RGS12: variants seen among roughly 807,000 people sequenced by gnomAD.
The protein encoded by RGS12 is regulator of G-protein signaling 12.
Under a neutral mutation model 120.1 loss-of-function variants are expected in RGS12, and 66 were observed. The observed-to-expected ratio is 0.55, with a 90% CI of 0.45 to 0.67. The LOEUF (loss-of-function observed/expected upper bound fraction) is 0.67. RGS12 is among the 30% of genes least tolerant of loss of function. The pLI is 0.00. For missense variants in RGS12, 1,859 were observed against 1,957.7 expected (o/e 0.95, Z 0.95); for synonymous variants, 827 against 804.7 (o/e 1.03, Z -0.47).
intron 4 of RGS12, among the ~76,000 whole-genome samples, chr4:3,391,539 C>T (rs183274416): frequency 6.6e-6 from 1 of 152,216 alleles, no homozygotes; most frequent in Non-Finnish European, 1.5e-5. Context: ...GGCTGCATCC[C>T]CTCCCCAGAG....
At chr4:3,288,420 G>C (rs910665967), upstream of RGS12, among the ~76,000 whole-genome samples, 1 of 152,148 alleles carries the variant, frequency 6.6e-6, no homozygotes, top group Non-Finnish European at 1.5e-5. The surrounding 1 kb of genome is among the most constrained non-coding windows in gnomAD (Gnocchi z 5.2). Context: ...TGGCTTCCTG[G>C]TGCAGCTCCT....
chr4:3,328,346 A>G (rs1725699842), intron 2 of RGS12, among the ~76,000 whole-genome samples: 1 of 152,228 alleles, frequency 6.6e-6, no homozygotes, highest in Non-Finnish European at 1.5e-5. Context: ...TGTGCAGTCT[A>G]TGCATGTATA....
intron 3 of RGS12, among the ~76,000 whole-genome samples, chr4:3,375,176 T>C (rs948226155): frequency 6.6e-6 from 1 of 152,194 alleles, no homozygotes; most frequent in African/African-American, 2.4e-5. Context: ...GGAGGTCATT[T>C]TGAGACAGTC....
chr4:3,351,796 G>T (rs1714383399), intron 3 of RGS12, among the ~76,000 whole-genome samples: 1 of 151,986 alleles, frequency 6.6e-6, no homozygotes, highest in Non-Finnish European at 1.5e-5. Context: ...TAGAAGACTT[G>T]GTGTGCCTCA....
chr4:3,426,752 AGGGTG>A (rs1723700331), intron 14 of RGS12: 1 of 152,100 alleles, frequency 6.6e-6, no homozygotes, highest in Non-Finnish European at 1.5e-5. Flanking sequence ...CAGACCCAGG[AGGGTG>A]GGTCCTGTTT....
Position 3,428,144 on chromosome 4 carries a change from C to T in RGS12, c.3386C>T (p.Ser1129Phe). The T allele has an allele frequency of 1.2e-6, 2 of 1,613,666 alleles. No homozygotes were observed. The highest frequency in any genetic ancestry group is 8.5e-7 in the Non-Finnish European group (1 of 1,179,800). The change falls in exon 15 of 18, where the codon TCC becomes TTC. Residue 1129 changes from serine to phenylalanine, a missense_variant. Ser to Phe is a radical substitution (Grantham distance 155). Coordinates refer to ENST00000336727, the MANE Select transcript of RGS12 (RefSeq NM_001394154.1). ...GTGAAACAGAACACAGCTGTAAATT[C>T]CAGCTCCAGAAACCACTCGGCTACG... ...VPVKQNTAVN[S>F]SSRNHSATGE...
chr4:3,304,817 C>T (rs1048708945), intron 1 of RGS12, among the ~76,000 whole-genome samples: 5 of 152,212 alleles, frequency 3.3e-5, no homozygotes, highest in Non-Finnish European at 7.3e-5. Flanking sequence ...GCAAGTCAAA[C>T]GACCCTGGAG....
intron 13 of RGS12, among the ~76,000 whole-genome samples, chr4:3,424,804 A>AG (rs1257644491): frequency 6.6e-6 from 1 of 152,352 alleles, no homozygotes; most frequent in East Asian, 1.9e-4. Context: ...GTGGTGGAGA[A>AG]GGCGGGACCT....
chr4:3,417,133 G>A (rs1483968468), intron 8 of RGS12, 41 bp downstream of exon 8: 20 of 1,541,478 alleles, frequency 1.3e-5, no homozygotes, highest in African/African-American at 4.1e-5. Flanking sequence ...TGTGGGTTGT[G>A]TGTCATCAGC....
intron 2 of RGS12, among the ~76,000 whole-genome samples, chr4:3,336,158 C>T (rs776521568): frequency 8.5e-5 from 13 of 152,178 alleles, no homozygotes; most frequent in Non-Finnish European, 1.6e-4. Context: ...TCCTGTCCCT[C>T]GGTGGTCTGG....
At chr4:3,304,192 G>A (rs752970345) in intron 1 of RGS12, among the ~76,000 whole-genome samples, 7 of 152,164 alleles carry the variant, frequency 4.6e-5, no homozygotes, top group South Asian at 4.1e-4. Flanking sequence ...AAAAACCCAC[G>A]AAAAACTATG....
At chr4:3,382,576 T>C (rs1214604375) in intron 3 of RGS12, among the ~76,000 whole-genome samples, 3 of 152,214 alleles carry the variant, frequency 2.0e-5, no homozygotes, top group African/African-American at 7.2e-5. Flanking sequence ...TAGGTGACGG[T>C]CTTCAGGAGT....
intron 4 of RGS12, among the ~76,000 whole-genome samples, chr4:3,397,931 G>T (rs1224330979): frequency 6.6e-6 from 1 of 152,212 alleles, no homozygotes; most frequent in Admixed American, 6.5e-5. Context: ...TAAGAGTATG[G>T]CCTCTGGAGC....
intron 3 of RGS12, among the ~76,000 whole-genome samples, chr4:3,384,629 G>A (rs1010455739): frequency 3.9e-5 from 6 of 152,242 alleles, no homozygotes; most frequent in South Asian, 2.1e-4. Flanking sequence ...GGCTTCAGGG[G>A]TGTGTGCTCT....
Position 3,374,791 on chromosome 4 carries a change from C to G in RGS12, c.1999-11625C>G, listed in dbSNP as rs554299572. ...AGCCTCCAGCTGCCCCTGCCCTGCC[C>G]TGTCCATGCACCTGCCAGAGTGAGC... On this transcript the variant is annotated intron_variant, in intron 3 of 17. Coordinates refer to ENST00000336727, the MANE Select transcript of RGS12 (RefSeq NM_001394154.1). This position sits in a 1 kb window ranked among gnomAD's most constrained non-coding sequence, Gnocchi z 6.3. 6.6e-6 allele frequency among the ~76,000 whole-genome samples: 1 copy of G among 152,292 alleles called. No homozygotes were observed. Among genetic ancestry groups the G allele is most frequent in the East Asian group, 1.9e-4 (1 of 5,168 alleles).
Position 3,439,762 on chromosome 4 carries a change from G to T in RGS12, c.*78G>T, listed in dbSNP as rs1577119826. ...AGGTGGATTCTGTGGGCCTCAGGGGGGCCACCCTGGCCACCACACCCTCAG... is the reference window on the plus strand; with the variant it reads ...AGGTGGATTCTGTGGGCCTCAGGGGTGCCACCCTGGCCACCACACCCTCAG... On this transcript the variant is annotated 3_prime_UTR_variant, in exon 18 of 18. Transcript: ENST00000336727. 7.6e-7 allele frequency: 1 copy of T among 1,308,724 alleles called. No homozygotes were observed. Among genetic ancestry groups the T allele is most frequent in the Admixed American group, 3.1e-5 (1 of 32,064 alleles). The allele number at this position is 1,308,724 out of a possible 1,614,324, so 81.1% of individuals were successfully genotyped here.
chr4:3,397,272 T>C (rs561595437), intron 4 of RGS12, among the ~76,000 whole-genome samples: 3 of 152,318 alleles, frequency 2.0e-5, no homozygotes, highest in African/African-American at 4.8e-5. Context: ...AGGTGGGCTG[T>C]GGTGGGATGC....
intron 13 of RGS12, among the ~76,000 whole-genome samples, chr4:3,424,684 T>C (rs1321421401): frequency 2.0e-5 from 3 of 152,188 alleles, no homozygotes; most frequent in Non-Finnish European, 4.4e-5. Flanking sequence ...GCCGAGGCTG[T>C]GGGGGCTATG....
Position 3,316,517 on chromosome 4 carries a change from G to A in RGS12, c.347G>A (p.Gly116Glu), listed in dbSNP as rs752325812. The change falls in exon 2 of 18, where the codon GGA becomes GAA. Residue 116 changes from glycine (G) to glutamate (E), a missense_variant. Around this residue, in one of 3 missense-constraint regions of RGS12, gnomAD observed 967 missense variants for 994.2 expected, o/e 0.97. Coordinates refer to ENST00000336727, the MANE Select transcript of RGS12 (RefSeq NM_001394154.1). ...GATGAAGAAGGGGGACTCTATGAAG[G>A]AAAAGGCTGGCTGAAGCCCAAGCTG... is the stretch of plus-strand genomic sequence containing the variant. ...SSDEEGGLYE[G>E]KGWLKPKLDS... The A allele has an allele frequency of 4.3e-6, 7 of 1,614,046 alleles. No individual in the cohort carries two copies. The Admixed American group carries it at 8.3e-5, about 19-fold the overall frequency.
Sources: gnomAD v4.1 joint callset for allele counts (sites outside exome capture counted in the v4.1 genomes callset) on GRCh38, gnomAD v4.1.1 for gene constraint, gnomAD v4.1.1 regional missense constraint, Gnocchi (gnomAD v3.1) non-coding constraint, MANE v1.5 for transcripts, NCBI Gene and HGNC (gene_info 2026-07-23, HGNC 2026-07-21) for gene names.